The following CLK1 variants were observed in gnomAD, a reference collection of about 807,000 sequenced individuals.
The protein encoded by CLK1 is dual specificity protein kinase CLK1.
A neutral mutation model predicts 60.9 loss-of-function variants in CLK1; 40 were observed. The observed-to-expected ratio is 0.66, with a 90% CI of 0.51 to 0.86. The LOEUF (loss-of-function observed/expected upper bound fraction) is 0.86. Among genes scored for constraint, CLK1 ranks in the 40% least tolerant of loss-of-function variants. The pLI is 0.00. For synonymous variants in CLK1, 203 were observed against 184.4 expected (o/e 1.10, Z -0.82); for missense variants, 563 against 606.1 (o/e 0.93, Z 0.75).
chr2:200,861,257 GA>G lies in CLK1; in HGVS notation c.370del (p.Ser124HisfsTer18). On this transcript the variant is annotated frameshift_variant, in exon 3 of 13. Coordinates refer to ENST00000321356, the MANE Select transcript of CLK1 (RefSeq NM_004071.4). LOFTEE classifies it high-confidence loss of function. ...TCATACCCCATGTGAACGACGATGT[GA>G]AGTACTGTGGTGAATCCTGTGTTTG... The part of the protein sequence containing the change: ...KSKHRIHHST[S>X]HRRSHGKSHR... The G allele has an allele frequency of 6.2e-7, 1 of 1,614,100 alleles. No individual in the cohort carries two copies. The highest frequency in any genetic ancestry group is 8.5e-7 in the Non-Finnish European group (1 of 1,180,000).
In CLK1 at chr2:200,859,765, T is replaced by A. The variant is rs199980060; in HGVS notation, c.482-19A>T. On this transcript the variant is annotated intron_variant, in intron 4 of 12. Coordinates refer to ENST00000321356, the MANE Select transcript of CLK1 (RefSeq NM_004071.4). ...ATTTCATCTAAAAGAGAGAAATAAA[T>A]CTCAGTCATATCAAGAAGTGGAAAC... is the stretch of plus-strand genomic sequence containing the variant. The A allele has an allele frequency of 4.5e-4, 724 of 1,611,670 alleles. 8 individuals are homozygous for A. The African/African-American group carries it at 8.8e-3, about 20-fold the overall frequency.
intron 7 of CLK1, 60 bp from the exon 8 acceptor site, chr2:200,857,045 A>C (rs1575077382): frequency 7.3e-7 from 1 of 1,367,032 alleles, no homozygotes; most frequent in South Asian, 1.2e-5. Flanking sequence ...AAATCACAAA[A>C]CCCCACAACA....
At chr2:200,854,130 G>C in intron 11 of CLK1, 137 bp from the exon 12 acceptor site, 1 of 559,892 alleles carries the variant, frequency 1.8e-6, no homozygotes, top group Non-Finnish European at 3.1e-6. Context: ...AATGTTACCT[G>C]CTTTGCACCA....
At chr2:200,860,603 G>C in intron 3 of CLK1, 1 of 998,020 alleles carries the variant, frequency 1.0e-6, no homozygotes, top group Non-Finnish European at 1.2e-6. Flanking sequence ...ACTTGTCAAA[G>C]TAGGCGGTGG....
At chr2:200,857,580 G>A in intron 7 of CLK1, 138 bp downstream of exon 7, 1 of 658,824 alleles carries the variant, frequency 1.5e-6, no homozygotes, top group Non-Finnish European at 2.5e-6. Flanking sequence ...TCAACAGCCT[G>A]TAATCAAATC....
rs34449560 is a variant in CLK1, at chr2:200,853,679, G to GAAAAA, written c.1311+219_1311+223dup. Among the ~76,000 whole-genome samples, 64 of 49,116 alleles carry GAAAAA rather than the reference G, an allele frequency of 1.3e-3. 2 individuals carry two copies. Among genetic ancestry groups the GAAAAA allele is most frequent in the African/African-American group, 5.1e-3 (57 of 11,128 alleles). The allele number at this position is 49,116 out of a possible 152,430, so 32.2% of individuals were successfully genotyped here. ...AACATAGTAAAACTTGTCTTTACTTGAAAAAAAAAAAAAAAAAAAAAAAAA... is the reference window on the plus strand; with the variant it reads ...AACATAGTAAAACTTGTCTTTACTTGAAAAAAAAAAAAAAAAAAAAAAAAAAAAAA... On this transcript the variant is annotated intron_variant, in intron 12 of 12. Coordinates refer to ENST00000321356, the MANE Select transcript of CLK1 (RefSeq NM_004071.4).
At position 200,856,909 on chromosome 2, in the gene CLK1, C is replaced by T. The variant is rs188346861; in HGVS notation, c.909G>A (p.Glu303=). The T allele has an allele frequency of 6.2e-7, 1 of 1,614,066 alleles. No individual in the cohort carries two copies. Among genetic ancestry groups the T allele is most frequent in the East Asian group, 2.2e-5 (1 of 44,892 alleles). Residue 303 remains glutamate, a synonymous_variant, in exon 8 of 13, where the codon GAG becomes GAA. Coordinates refer to ENST00000321356, the MANE Select transcript of CLK1 (RefSeq NM_004071.4). The part of the protein sequence containing the change: ...NILFVQSDYT[E]AYNPKIKRDE... ...GACTTACTATTTTGGGATTATACGC[C>T]TCTGTGTAGTCAGACTGCACAAATA...
intron 3 of CLK1, chr2:200,861,037 C>A (rs1575080505): frequency 7.3e-7 from 1 of 1,363,654 alleles, no homozygotes; most frequent in Non-Finnish European, 9.4e-7. Flanking sequence ...TAGGAGCCAA[C>A]CAATAATTAA....
At chr2:200,864,491 G>T (rs767866543) in intron 1 of CLK1, 73 bp downstream of exon 1, 4 of 452,572 alleles carry the variant, frequency 8.8e-6, no homozygotes, top group Non-Finnish European at 1.6e-5. Flanking sequence ...GCAGGAAAAG[G>T]GGGCATCGCC....
chr2:200,863,618 G>T (rs1488611121), intron 1 of CLK1, among the ~76,000 whole-genome samples: 1 of 152,146 alleles, frequency 6.6e-6, no homozygotes, highest in Non-Finnish European at 1.5e-5. Context: ...AGCACTTTGG[G>T]AGGCCGAAGC....
intron 2 of CLK1, 73 bp from the exon 3 acceptor site, chr2:200,861,539 C>G (rs2039138860): frequency 6.4e-7 from 1 of 1,572,368 alleles, no homozygotes; most frequent in Non-Finnish European, 8.6e-7. Flanking sequence ...CAAGACAGCA[C>G]CTAGACTCCC....
At position 200,860,224 on chromosome 2, in the gene CLK1, G is replaced by A. The variant is rs201241162; in HGVS notation, c.391-9C>T. On this transcript the variant is annotated splice_polypyrimidine_tract_variant and intron_variant, in intron 3 of 12. Transcript: ENST00000321356. ...TTCCTTCGGTGACTCTTCTGGAAAC[G>A]TCAAGTGGGCGGCACCAAGATCATC... 24 of 1,613,642 alleles carry A rather than the reference G, an allele frequency of 1.5e-5. No homozygotes were observed. The highest frequency in any genetic ancestry group is 1.7e-5 in the Admixed American group (1 of 59,976).
intron 9 of CLK1, among the ~76,000 whole-genome samples, chr2:200,855,768 C>A (rs1159133127): frequency 6.6e-6 from 1 of 151,998 alleles, no homozygotes; most frequent in Non-Finnish European, 1.5e-5. Context: ...CAGCACTTTG[C>A]AAAGCCAAGG....
rs763598114 is a variant in CLK1 at position 200,858,059 on chromosome 2, A to G, written c.579T>C (p.Val193=). The G allele has an allele frequency of 6.2e-7, 1 of 1,613,744 alleles. No individual in the cohort carries two copies. The highest frequency in any genetic ancestry group is 1.1e-5 in the South Asian group (1 of 91,080). The change falls in exon 6 of 13, where the codon GTT becomes GTC. Residue 193 remains valine (V), a synonymous_variant. Coordinates refer to ENST00000321356, the MANE Select transcript of CLK1 (RefSeq NM_004071.4). ...AGGRHVAVKI[V]KNVDRYCEAA... ...CTTCACAGTATCTATCCACATTTTT[A>G]ACTATTTTTACTGCTACATGTCTAC...
Position 200,856,076 on chromosome 2 carries a change from A to G in CLK1, c.1057+606T>C, listed in dbSNP as rs1293242936. 2.6e-5 allele frequency among the ~76,000 whole-genome samples: 4 copies of G among 151,742 alleles called. No individual in the cohort carries two copies. The East Asian group carries it at 5.8e-4, about 22-fold the overall frequency. ...ATATATAGTCTGGAATAAAATAGGC[A>G]TTAAACAATTTTCTGAGATGGAGTC... On this transcript the variant is annotated intron_variant, in intron 9 of 12. Transcript: ENST00000321356.
rs773037193 is a variant in CLK1, at chr2:200,861,330, G to A, written c.298C>T (p.His100Tyr). Residue 100 changes from histidine to tyrosine, a missense_variant, in exon 3 of 13, where the codon CAT (histidine) becomes TAT (tyrosine). Physicochemically the swap from His to Tyr is moderately conservative, Grantham distance 83. Around this residue, in one of 3 missense-constraint regions of CLK1, gnomAD observed 198 missense variants for 179.2 expected, o/e 1.10. Transcript: ENST00000321356. ...CTTCTACCAGAAGACTTGCTACTAT[G>A]GTTCTGATACCGGCTTTCATGGTCT... ...QRDHESRYQNHSSKSSGRSGR... is the reference protein window; with the variant it reads ...QRDHESRYQNYSSKSSGRSGR... 33 of 1,614,030 alleles carry A rather than the reference G, an allele frequency of 2.0e-5. No individual in the cohort carries two copies. The highest frequency in any genetic ancestry group is 4.5e-5 in the East Asian group (2 of 44,888).
At chr2:200,859,927 C>T (rs1467084449) in intron 4 of CLK1, 181 bp from the exon 5 acceptor site, 2 of 1,428,868 alleles carry the variant, frequency 1.4e-6, no homozygotes, top group South Asian at 3.2e-5. Flanking sequence ...AATTTGATTA[C>T]TGTTCTGGAA....
chr2:200,853,397 T>G lies in CLK1; in HGVS notation c.1364A>C (p.Gln455Pro). The change falls in exon 13 of 13, where the codon CAG becomes CCG. Residue 455 changes from glutamine to proline, a missense_variant. Gln to Pro is a moderately conservative substitution (Grantham distance 76). Transcript: ENST00000321356. Reference sequence around the variant, plus strand: ...GGCTGGATCATACTCCAACATTTTCTGAATGAGGTCAAAGAGACGCTCATG... The same window carrying G: ...GGCTGGATCATACTCCAACATTTTCGGAATGAGGTCAAAGAGACGCTCATG... The part of the protein sequence containing the change: ...VEHERLFDLI[Q>P]KMLEYDPAKR... 1 of 1,613,438 alleles carries G rather than the reference T, an allele frequency of 6.2e-7. No individual in the cohort carries two copies. Among genetic ancestry groups the G allele is most frequent in the Non-Finnish European group, 8.5e-7 (1 of 1,179,742 alleles).
In CLK1 at chr2:200,861,331, G is replaced by A. The variant is rs1351232504; in HGVS notation, c.297C>T (p.Asn99=). The A allele has an allele frequency of 1.2e-6, 2 of 1,614,070 alleles. No individual in the cohort carries two copies. The highest frequency in any genetic ancestry group is 1.6e-4 in the Middle Eastern group (1 of 6,062). The part of the protein sequence containing the change: ...RQRDHESRYQ[N]HSSKSSGRSG... ...TTCTACCAGAAGACTTGCTACTATG[G>A]TTCTGATACCGGCTTTCATGGTCTC... is the stretch of plus-strand genomic sequence containing the variant. Residue 99 remains asparagine, a synonymous_variant, in exon 3 of 13, where the codon AAC becomes AAT. Transcript: ENST00000321356.
Sources: gnomAD v4.1 joint callset for allele counts (sites outside exome capture counted in the v4.1 genomes callset) on GRCh38, gnomAD v4.1.1 for gene constraint, gnomAD v4.1.1 regional missense constraint, MANE v1.5 for transcripts, NCBI Gene and HGNC (gene_info 2026-07-23, HGNC 2026-07-21) for gene names.